OPHN1: variants seen among roughly 807,000 people sequenced by gnomAD.
The protein encoded by OPHN1 is oligophrenin 1, also known as oligophrenin-1.
In OPHN1, 11 loss-of-function variants were observed where a neutral mutation model predicts 60.7. That is an observed-to-expected ratio of 0.18 (90% CI 0.11 to 0.30). The LOEUF (loss-of-function observed/expected upper bound fraction) is 0.30. Among genes scored for constraint, OPHN1 ranks in the 10% least tolerant of loss-of-function variants. The pLI is 1.00. For synonymous variants in OPHN1, 226 were observed against 222.6 expected (o/e 1.02, Z -0.14); for missense variants, 449 against 611.0 (o/e 0.73, Z 2.80).
chrX:68,296,447 C>T (rs761783003), intron 3 of OPHN1, among the ~76,000 whole-genome samples: 3 of 110,234 alleles, frequency 2.7e-5, no homozygotes, highest in Admixed American at 9.8e-5. Flanking sequence ...CACTTGAGGT[C>T]AGGTGTTCGA....
intron 15 of OPHN1, among the ~76,000 whole-genome samples, chrX:68,150,229 A>G (rs779707860): frequency 2.7e-5 from 3 of 111,828 alleles, no homozygotes; most frequent in Non-Finnish European, 5.7e-5. Flanking sequence ...AAGTTTTAGC[A>G]TTAGATAGAG....
At chrX:68,142,120 G>A (rs1350779573) in intron 15 of OPHN1, among the ~76,000 whole-genome samples, 4 of 111,580 alleles carry the variant, frequency 3.6e-5, no homozygotes, top group Admixed American at 1.9e-4. Context: ...ATAGTTTCTC[G>A]AATGTTGATT....
intron 16 of OPHN1, 44 bp downstream of exon 16, chrX:68,119,204 T>A: frequency 1.0e-6 from 1 of 989,126 alleles, no homozygotes; most frequent in Non-Finnish European, 1.4e-6. Context: ...CAGAGAAATT[T>A]CACCAGCTAT....
intron 2 of OPHN1, among the ~76,000 whole-genome samples, chrX:68,429,949 C>G (rs2096562166): frequency 9.0e-6 from 1 of 110,896 alleles, no homozygotes; most frequent in Non-Finnish European, 1.9e-5. Flanking sequence ...ACACGAGGAT[C>G]ACTTGAACCC....
At chrX:68,305,248 G>A (rs996630793) in intron 2 of OPHN1, among the ~76,000 whole-genome samples, 5 of 110,818 alleles carry the variant, frequency 4.5e-5, no homozygotes, top group East Asian at 2.9e-4. Context: ...GCCGGGTGAC[G>A]TAGTGTATGC....
intron 15 of OPHN1, among the ~76,000 whole-genome samples, chrX:68,131,366 C>A (rs7065442): frequency 0.27 from 29,476 of 108,409 alleles, 3,258 homozygotes; most frequent in African/African-American, 0.36. Flanking sequence ...CTACAGGTGC[C>A]CACCACACCC....
chrX:68,165,982 A>G (rs1296842582), intron 15 of OPHN1, among the ~76,000 whole-genome samples: 1 of 112,440 alleles, frequency 8.9e-6, no homozygotes, highest in Non-Finnish European at 1.9e-5. Context: ...ATTGTGTTTT[A>G]TATAATCACA....
chrX:68,049,247 A>G (rs1383354502), intron 23 of OPHN1, among the ~76,000 whole-genome samples: 1 of 111,881 alleles, frequency 8.9e-6, no homozygotes, highest in Non-Finnish European at 1.9e-5. Flanking sequence ...CCCACTGAAC[A>G]TCTATCTCTA....
intron 20 of OPHN1, among the ~76,000 whole-genome samples, chrX:68,072,384 C>T (rs939465019): frequency 5.4e-5 from 6 of 111,981 alleles, no homozygotes; most frequent in African/African-American, 1.9e-4. Context: ...AAGAAAAAAG[C>T]TCTGGGACCT....
rs143993455 is a variant in OPHN1, at chrX:68,150,608, C to T, written c.1277-31276G>A. Reference sequence around the variant, plus strand: ...TGAAAAGGTAATAGACAGATGAGTACACTTGGGCTTGCCAAGTGTTGACTA... The same window carrying T: ...TGAAAAGGTAATAGACAGATGAGTATACTTGGGCTTGCCAAGTGTTGACTA... On this transcript the variant is annotated intron_variant, in intron 15 of 24. Transcript: ENST00000355520. 3.0e-3 allele frequency among the ~76,000 whole-genome samples: 337 copies of T among 111,875 alleles called. 1 individual carries two copies. Among genetic ancestry groups the T allele is most frequent in the African/African-American group, 0.01 (322 of 30,860 alleles).
intron 2 of OPHN1, among the ~76,000 whole-genome samples, chrX:68,310,471 C>G (rs1382549328): frequency 9.1e-6 from 1 of 110,071 alleles, no homozygotes; most frequent in Non-Finnish European, 1.9e-5. Flanking sequence ...ACCTCTATAA[C>G]CCAGGGCACA....
intron 2 of OPHN1, among the ~76,000 whole-genome samples, chrX:68,377,961 G>A (rs2078569997): frequency 8.9e-6 from 1 of 111,806 alleles, no homozygotes; most frequent in Admixed American, 9.5e-5. Context: ...TGGGATGGCT[G>A]GGTCAAATGG....
At chrX:68,257,186 G>A (rs958246154) in intron 5 of OPHN1, among the ~76,000 whole-genome samples, 86 of 112,195 alleles carry the variant, frequency 7.7e-4, no homozygotes, top group African/African-American at 2.8e-3. Flanking sequence ...CATTACAATG[G>A]TCTGGAACTG....
chrX:68,309,506 C>A (rs2078162687), intron 2 of OPHN1, among the ~76,000 whole-genome samples: 1 of 111,840 alleles, frequency 8.9e-6, no homozygotes, highest in Non-Finnish European at 1.9e-5. Context: ...GCAGCTGAGG[C>A]AGTAGAGAGA....
At chrX:68,049,377 T>C (rs754106843) in intron 23 of OPHN1, among the ~76,000 whole-genome samples, 13 of 112,034 alleles carry the variant, frequency 1.2e-4, no homozygotes. Context: ...CCATGATTAA[T>C]TATTGTACCA....
At chrX:68,067,636 G>A (rs747686111) in intron 20 of OPHN1, among the ~76,000 whole-genome samples, 1 of 111,368 alleles carries the variant, frequency 9.0e-6, no homozygotes, top group South Asian at 3.9e-4. Context: ...CAAGCTAGGG[G>A]ACCGCTGTTG....
intron 8 of OPHN1, among the ~76,000 whole-genome samples, chrX:68,210,698 A>C (rs1020142959): frequency 8.9e-6 from 1 of 112,145 alleles, no homozygotes; most frequent in African/African-American, 3.2e-5. Flanking sequence ...TTGATACTGA[A>C]TCAAATTCTG....
chrX:68,316,306 G>A lies in OPHN1; in HGVS notation c.155-17210C>T, dbSNP rs770307262. ...TATAGAACAACTAAGCAACACCATC[G>A]GTCTACAGGATCTAATCAAAATTTA... On this transcript the variant is annotated intron_variant, in intron 2 of 24. Coordinates refer to ENST00000355520, the MANE Select transcript of OPHN1 (RefSeq NM_002547.3). Among the ~76,000 whole-genome samples the A allele has an allele frequency of 7.2e-5, 8 of 111,633 alleles. No homozygotes were observed. In the South Asian group the frequency reaches 1.9e-3, roughly 26 times the overall value.
chrX:68,201,268 G>T (rs764934036), intron 11 of OPHN1, among the ~76,000 whole-genome samples: 5 of 112,099 alleles, frequency 4.5e-5, no homozygotes, highest in Admixed American at 1.9e-4. Context: ...GTGATATTAG[G>T]AGATTTAACA....
Sources: allele counts gnomAD v4.1 joint callset (sites outside exome capture counted in the v4.1 genomes callset), GRCh38; gene constraint gnomAD v4.1.1; transcripts MANE v1.5; gene names NCBI Gene and HGNC (gene_info 2026-07-23, HGNC 2026-07-21).